GSTO2: variants seen among roughly 807,000 people sequenced by gnomAD.
GSTO2 encodes the protein glutathione S-transferase omega 2.
In GSTO2, 23 loss-of-function variants were observed where a neutral mutation model predicts 28.4. That is an observed-to-expected ratio of 0.81 (90% CI 0.58 to 1.15). The LOEUF (loss-of-function observed/expected upper bound fraction) is 1.15. GSTO2 is among the 50% of genes most tolerant of loss of function. GSTO2 has a pLI of 0.00. For synonymous variants in GSTO2, 109 were observed against 111.0 expected (o/e 0.98, Z 0.11); for missense variants, 298 against 297.8 (o/e 1.00, Z 0.00).
rs186591943 is a variant in GSTO2, at chr10:104,270,268, C to T, written c.-232+999C>T. ...GACCTCGTGATCCGCCCGCCTCAGC[C>T]TCCCAAATCGCTGGGATTACAGGCG... On this transcript the variant is annotated intron_variant, in intron 1 of 6. Transcript: ENST00000338595. 2.9e-3 allele frequency among the ~76,000 whole-genome samples: 437 copies of T among 152,332 alleles called. 4 individuals carry two copies. The highest frequency in any genetic ancestry group is 2.1e-3 in the East Asian group (11 of 5,176).
intron 1 of GSTO2, among the ~76,000 whole-genome samples, chr10:104,274,276 A>T (rs1238027424): frequency 7.2e-5 from 11 of 152,170 alleles, no homozygotes. Context: ...GACTGGGATG[A>T]GGCAACTGAG....
At chr10:104,287,200 G>A (rs530505862) in intron 5 of GSTO2, among the ~76,000 whole-genome samples, 1 of 152,228 alleles carries the variant, frequency 6.6e-6, no homozygotes, top group South Asian at 2.1e-4. Context: ...CTACAGGCAT[G>A]TGCCACCATG....
intron 5 of GSTO2, among the ~76,000 whole-genome samples, chr10:104,289,754 C>T (rs1184194556): frequency 6.6e-6 from 1 of 152,176 alleles, no homozygotes; most frequent in African/African-American, 2.4e-5. Flanking sequence ...GAGCTCAAAA[C>T]ATTTCTGCCC....
At chr10:104,276,114 C>CCA (rs1466420361) in intron 3 of GSTO2, among the ~76,000 whole-genome samples, 1 of 152,098 alleles carries the variant, frequency 6.6e-6, no homozygotes, top group African/African-American at 2.4e-5. Flanking sequence ...TCCAGGCTCC[C>CCA]GACTCTTGTC....
intron 3 of GSTO2, among the ~76,000 whole-genome samples, chr10:104,276,626 CGAGACCCATTGCTTTAGGTT>C (rs1369687345): frequency 1.3e-5 from 2 of 152,176 alleles, no homozygotes; most frequent in Admixed American, 1.3e-4. Flanking sequence ...CACTTCTAGT[CGAGACCCATTGCTTTAGGTT>C]GAGACCCACT....
intron 5 of GSTO2, among the ~76,000 whole-genome samples, chr10:104,289,296 A>G (rs1433777282): frequency 1.3e-5 from 2 of 152,118 alleles, no homozygotes; most frequent in African/African-American, 2.4e-5. Flanking sequence ...GGATTTTGCC[A>G]TGTTGCCCAG....
intron 5 of GSTO2, among the ~76,000 whole-genome samples, chr10:104,281,134 C>G (rs55901790): frequency 6.6e-6 from 1 of 152,346 alleles, no homozygotes; most frequent in East Asian, 1.9e-4. Flanking sequence ...CCTCTGGGTT[C>G]TGCAGGGGAC....
rs1209731087 is a variant in GSTO2 at position 104,292,009 on chromosome 10, G to A, written c.469-5569G>A. Among the ~76,000 whole-genome samples, 4 of 152,046 alleles carry A rather than the reference G, an allele frequency of 2.6e-5. No individual in the cohort carries two copies. In the East Asian group the frequency reaches 7.7e-4, roughly 29 times the overall value. On this transcript the variant is annotated intron_variant, in intron 5 of 6. Transcript: ENST00000338595. ...TGTCAATGTTTTCAGAAAATCTGAGGCCTAGAAGCTAGAGCCTCAGTTCCC... is the reference window on the plus strand; with the variant it reads ...TGTCAATGTTTTCAGAAAATCTGAGACCTAGAAGCTAGAGCCTCAGTTCCC...
chr10:104,274,929 C>G lies in GSTO2; in HGVS notation c.14C>G (p.Ala5Gly), dbSNP rs1589855913. 1.2e-6 allele frequency: 2 copies of G among 1,606,328 alleles called. No homozygotes were observed. The highest frequency in any genetic ancestry group is 2.3e-5 in the East Asian group (1 of 44,404). Residue 5 changes from alanine (A) to glycine (G), a missense_variant, in exon 2 of 7, where the codon GCG becomes GGG. By Grantham distance (60) the Ala-to-Gly change is moderately conservative. Coordinates refer to ENST00000338595, the MANE Select transcript of GSTO2 (RefSeq NM_183239.2). ...CACCTGGAGACCATGTCTGGGGATG[C>G]GACCAGGACCCTGGGGAAAGGTGAG... MSGD[A>G]TRTLGKGSQP...
In GSTO2 at chr10:104,303,949, T is replaced by TG. The variant is rs1314258165; in HGVS notation, c.*4667dup. On this transcript the variant is annotated 3_prime_UTR_variant, in exon 7 of 7. Coordinates refer to ENST00000338595, the MANE Select transcript of GSTO2 (RefSeq NM_183239.2). ...TGGCAGGGGCAGGTGTTATGTTTCT[T>TG]GGTTTCTCACCTTCAGGTCTCCTTA... 1 of 152,268 alleles carries TG rather than the reference T, an allele frequency of 6.6e-6. No individual in the cohort carries two copies. The highest frequency in any genetic ancestry group is 1.5e-5 in the Non-Finnish European group (1 of 68,080). The allele number at this position is 152,268 out of a possible 1,614,324, so 9.4% of individuals were successfully genotyped here. A position where few individuals can be genotyped will look rare whatever the true frequency, so the allele number is the denominator to read the frequency against.
chr10:104,277,418 G>A (rs570930442), intron 3 of GSTO2, among the ~76,000 whole-genome samples: 4 of 152,026 alleles, frequency 2.6e-5, no homozygotes, highest in Non-Finnish European at 5.9e-5. Flanking sequence ...CAAGTAGCTG[G>A]GGTTACAGGC....
chr10:104,295,135 A>G (rs2012964799), intron 5 of GSTO2: 1 of 152,224 alleles, frequency 6.6e-6, no homozygotes, highest in African/African-American at 2.4e-5. Flanking sequence ...GTGATCATCT[A>G]TTCCTGAACA....
intron 5 of GSTO2, among the ~76,000 whole-genome samples, chr10:104,282,138 A>G (rs985925379): frequency 6.6e-6 from 1 of 151,170 alleles, no homozygotes; most frequent in Non-Finnish European, 1.5e-5. Context: ...TATTCAGTCC[A>G]TCACTTGAAC....
chr10:104,275,117 A>G, intron 2 of GSTO2, 109 bp from the exon 3 acceptor site: 2 of 1,515,704 alleles, frequency 1.3e-6, no homozygotes, highest in Non-Finnish European at 1.8e-6. Flanking sequence ...GGGACTTGGG[A>G]GTTGGAGCTC....
At chr10:104,275,044 C>A in intron 2 of GSTO2, 95 bp downstream of exon 2, 1 of 1,500,100 alleles carries the variant, frequency 6.7e-7, no homozygotes, top group Non-Finnish European at 8.9e-7. Context: ...TGCAGACCGG[C>A]GGGGCAGGAA....
chr10:104,279,782 G>A (rs2011907226), intron 5 of GSTO2, among the ~76,000 whole-genome samples: 1 of 152,148 alleles, frequency 6.6e-6, no homozygotes. Flanking sequence ...AAGGTTAGGG[G>A]TTGTGTTTGG....
chr10:104,294,060 A>G lies in GSTO2; in HGVS notation c.469-3518A>G, dbSNP rs1331555467. 3.9e-5 allele frequency among the ~76,000 whole-genome samples: 6 copies of G among 152,108 alleles called. No homozygotes were observed. In the South Asian group the frequency reaches 1.0e-3, roughly 26 times the overall value. ...CTCCCCTTTGGCTGCCAGGAAACTCAAGAGTCAAATTCAAGGCTTTATTGA... is the reference window on the plus strand; with the variant it reads ...CTCCCCTTTGGCTGCCAGGAAACTCGAGAGTCAAATTCAAGGCTTTATTGA... On this transcript the variant is annotated intron_variant, in intron 5 of 6. Transcript: ENST00000338595.
At position 104,281,964 on chromosome 10, in the gene GSTO2, G is replaced by A. The variant is rs182380528; in HGVS notation, c.468+2493G>A. On this transcript the variant is annotated intron_variant, in intron 5 of 6. Transcript: ENST00000338595. ...CAATAATCAGTGAGGGGTTGACAGC[G>A]AGGGAGTGATTGGTAAGAGGTGAAT... 2.6e-3 allele frequency among the ~76,000 whole-genome samples: 403 copies of A among 152,170 alleles called. 2 individuals carry two copies. Among genetic ancestry groups the A allele is most frequent in the Non-Finnish European group, 4.2e-3 (286 of 67,996 alleles).
At position 104,301,575 on chromosome 10, in the gene GSTO2, A is replaced by G. The variant is rs1023885410; in HGVS notation, c.*2291A>G. 6.6e-6 allele frequency: 1 copy of G among 152,254 alleles called. No individual in the cohort carries two copies. Among genetic ancestry groups the G allele is most frequent in the Non-Finnish European group, 1.5e-5 (1 of 68,048 alleles). 9.4% of individuals were successfully genotyped at this position (152,254 alleles called of 1,614,324 possible). On this transcript the variant is annotated 3_prime_UTR_variant, in exon 7 of 7. Transcript: ENST00000338595. ...GCCTGGAGAAAAGAGGGAAGGAGGT[A>G]ATTAAATAATGCTCCATGAAGAACT...
Sources: allele counts gnomAD v4.1 joint callset (sites outside exome capture counted in the v4.1 genomes callset), GRCh38; gene constraint gnomAD v4.1.1; transcripts MANE v1.5; gene names NCBI Gene and HGNC (gene_info 2026-07-23, HGNC 2026-07-21).